The following SMARCE1 variants were observed in gnomAD, a reference collection of about 807,000 sequenced individuals.
SMARCE1 encodes the protein SWI/SNF related BAF chromatin remodeling complex subunit E1, also known as SWI/SNF-related matrix-associated actin-dependent regulator of chromatin subfamily E member 1.
A neutral mutation model predicts 54.9 loss-of-function variants in SMARCE1; 13 were observed. The ratio of observed to expected loss-of-function variants is 0.24; its 90% CI spans 0.15 to 0.38. The LOEUF is 0.38. Among genes scored for constraint, SMARCE1 ranks in the 10% least tolerant of loss-of-function variants. The probability of loss-of-function intolerance (pLI) is 1.00; values close to 1 mark genes in which losing one functional copy is unlikely to be tolerated. For missense variants in SMARCE1, 295 were observed against 523.8 expected, an observed-to-expected ratio of 0.56 and a Z score of 4.26; for synonymous variants, 151 against 175.3, an observed-to-expected ratio of 0.86 and a Z score of 1.10.
chr17:40,634,105 G>C (rs1393283964), intron 7 of SMARCE1: 1 of 152,182 alleles, frequency 6.6e-6, no homozygotes, highest in Non-Finnish European at 1.5e-5. Context: ...TCATTGTCTT[G>C]TGTGGATAAT....
intron 3 of SMARCE1, chr17:40,644,219 A>G (rs1053316931): frequency 3.3e-5 from 5 of 152,180 alleles, no homozygotes; most frequent in African/African-American, 1.2e-4. Context: ...CAAAAAATCA[A>G]GTTTGTCAAG....
chr17:40,631,604 A>G lies in SMARCE1; in HGVS notation c.804T>C (p.Asn268=), dbSNP rs2037096289. 1 of 1,553,880 alleles carries G rather than the reference A, an allele frequency of 6.4e-7. No homozygotes were observed. Among genetic ancestry groups the G allele is most frequent in the Non-Finnish European group, 8.9e-7 (1 of 1,126,120 alleles). ...ATTAAACAGATACCCTTTTAAGTTC[A>G]TTGTTAAATGAATCTGTGCTTTCCA... ...KFLESTDSFN[N]ELKRLCGLKV... is the part of the protein sequence containing the mutation. The change falls in exon 9 of 11, where the codon AAT becomes AAC. Residue 268 remains asparagine, a synonymous_variant. Transcript: ENST00000348513.
At chr17:40,634,627 CT>C (rs2037128092) in intron 7 of SMARCE1, 1 of 152,182 alleles carries the variant, frequency 6.6e-6, no homozygotes, top group African/African-American at 2.4e-5. Flanking sequence ...TTACTAGCAA[CT>C]TTAAGACCCA....
intron 1 of SMARCE1, chr17:40,647,102 T>C (rs900117151): frequency 6.6e-6 from 1 of 152,214 alleles, no homozygotes; most frequent in Non-Finnish European, 1.5e-5. Flanking sequence ...AATACAAAAT[T>C]TAAGAGTGGG....
At chr17:40,638,430 A>C (rs2144001051) in intron 4 of SMARCE1, among the ~76,000 whole-genome samples, 1 of 152,298 alleles carries the variant, frequency 6.6e-6, no homozygotes, top group East Asian at 1.9e-4. Context: ...AAGACTGAAA[A>C]ATATTTTTTA....
chr17:40,644,755 C>A (rs1030064481), intron 3 of SMARCE1: 1 of 151,904 alleles, frequency 6.6e-6, no homozygotes, highest in African/African-American at 2.4e-5. Flanking sequence ...AGTAGACTAG[C>A]CTGAAATTTA....
At chr17:40,643,349 T>C (rs909702160) in intron 3 of SMARCE1, 1 of 152,234 alleles carries the variant, frequency 6.6e-6, no homozygotes, top group Non-Finnish European at 1.5e-5. Context: ...TGAACTACTT[T>C]TCTAGTTTAT....
chr17:40,632,140 C>A, intron 8 of SMARCE1, 55 bp downstream of exon 8: 1 of 1,346,826 alleles, frequency 7.4e-7, no homozygotes, highest in Non-Finnish European at 1.0e-6. Context: ...AATCATATCA[C>A]CTGGGATTTG....
Position 40,645,866 on chromosome 17 carries a change from GAA to G in SMARCE1, c.-45-21_-45-20del, listed in dbSNP as rs890133471. On this transcript the variant is annotated intron_variant, in intron 1 of 10. Coordinates refer to ENST00000348513, the MANE Select transcript of SMARCE1 (RefSeq NM_003079.5). ...TGAGACACTAAAATAAAAAAAAAAG[GAA>G]AAAAAAAAGAGAATCAAAACTCAGC... 2.8e-5 allele frequency: 19 copies of G among 667,646 alleles called. No homozygotes were observed. Among genetic ancestry groups the G allele is most frequent in the African/African-American group, 2.6e-4 (13 of 50,760 alleles). 41.4% of individuals were successfully genotyped at this position (667,646 alleles called of 1,614,324 possible). A position where few individuals can be genotyped will look rare whatever the true frequency, so the allele number is the denominator to read the frequency against.
At chr17:40,639,029 G>GT (rs570797922) in intron 4 of SMARCE1, among the ~76,000 whole-genome samples, 40 of 152,274 alleles carry the variant, frequency 2.6e-4, no homozygotes, top group African/African-American at 9.4e-4. Context: ...CTTGGAAGCA[G>GT]TATTTCCTCT....
chr17:40,644,999 A>G (rs2037239992), intron 3 of SMARCE1: 1 of 152,470 alleles, frequency 6.6e-6, no homozygotes, highest in Non-Finnish European at 1.5e-5. Context: ...AAACACGTTC[A>G]CAACTACTTA....
Position 40,642,417 on chromosome 17 carries a change from A to T in SMARCE1, c.156+38T>A. The T allele has an allele frequency of 3.2e-6, 4 of 1,231,914 alleles. No homozygotes were observed. Among genetic ancestry groups the T allele is most frequent in the Non-Finnish European group, 4.8e-6 (4 of 831,176 alleles). 76.3% of individuals were successfully genotyped at this position (1,231,914 alleles called of 1,614,324 possible). Reference sequence around the variant, plus strand: ...TCTGAAGGCATTTCTGGTCAATTCCAGTTGTTTGCCGGATGCTGTAATAGT... The same window carrying T: ...TCTGAAGGCATTTCTGGTCAATTCCTGTTGTTTGCCGGATGCTGTAATAGT... On this transcript the variant is annotated intron_variant, in intron 4 of 10. Transcript: ENST00000348513. The surrounding 1 kb of genome is among the most constrained non-coding windows in gnomAD (Gnocchi z 4.6).
At position 40,630,782 on chromosome 17, in the gene SMARCE1, G is replaced by A. The variant is rs2037085756; in HGVS notation, c.959C>T (p.Pro320Leu). 3.1e-6 allele frequency: 5 copies of A among 1,613,942 alleles called. No homozygotes were observed. The African/African-American group carries it at 6.7e-5, about 22-fold the overall frequency. Residue 320 changes from proline to leucine, a missense_variant, in exon 10 of 11, where the codon CCT becomes CTT. By Grantham distance (98) the Pro-to-Leu change is moderately conservative. This residue lies in a region of SMARCE1 where 147 missense variants were observed against 161.4 expected (regional missense o/e 0.91). Transcript: ENST00000348513. ...QAERSQSSIV[P>L]EEEQAANKGE... ...TTTGTTAGCTGCTTGTTCTTCCTCA[G>A]GAACGATGCTGCTCTGACTGCGCTC...
chr17:40,640,096 G>A (rs1186879951), intron 4 of SMARCE1: 1 of 152,154 alleles, frequency 6.6e-6, no homozygotes, highest in Non-Finnish European at 1.5e-5. Flanking sequence ...TAAAGTTCAT[G>A]GTTTTGTGAA....
At chr17:40,646,092 T>C (rs989529389) in intron 1 of SMARCE1, among the ~76,000 whole-genome samples, 1 of 152,202 alleles carries the variant, frequency 6.6e-6, no homozygotes, top group African/African-American at 2.4e-5. Context: ...TTTTTTCTTG[T>C]GATACTAAGC....
Position 40,646,246 on chromosome 17 carries a change from G to A in SMARCE1, c.-45-399C>T, listed in dbSNP as rs117731940. On this transcript the variant is annotated intron_variant, in intron 1 of 10. Coordinates refer to ENST00000348513, the MANE Select transcript of SMARCE1 (RefSeq NM_003079.5). ...ACTGACAGCTCCCTGATCAGCAACTGTATCATGCTTTTGGGATAACAATTT... is the reference window on the plus strand; with the variant it reads ...ACTGACAGCTCCCTGATCAGCAACTATATCATGCTTTTGGGATAACAATTT... Among the ~76,000 whole-genome samples, 423 of 152,300 alleles carry A rather than the reference G, an allele frequency of 2.8e-3. 2 individuals carry two copies. The highest frequency in any genetic ancestry group is 4.8e-3 in the Non-Finnish European group (325 of 68,022).
At chr17:40,645,761 A>T in intron 2 of SMARCE1, 35 bp downstream of exon 2, 1 of 1,109,926 alleles carries the variant, frequency 9.0e-7, no homozygotes, top group Non-Finnish European at 1.2e-6. Flanking sequence ...GTCTCTTATT[A>T]ACATAGATTG....
chr17:40,626,862 G>GAAAAAAAAAAAAAAA lies in SMARCE1; in HGVS notation c.*1922_*1923insTTTTTTTTTTTTTTT, dbSNP rs1231708924. ...TGCACTCCAACCTGGGCGACAGATT[G>GAAAAAAAAAAAAAAA]AGACGTCTCCCATCTGACTTAATTC... On this transcript the variant is annotated 3_prime_UTR_variant, in exon 11 of 11. Transcript: ENST00000348513. The GAAAAAAAAAAAAAAA allele has an allele frequency of 1.6e-3, 29 of 18,066 alleles. No homozygotes were observed. Among genetic ancestry groups the GAAAAAAAAAAAAAAA allele is most frequent in the Non-Finnish European group, 1.0e-4 (1 of 9,910 alleles). 1.1% of individuals were successfully genotyped at this position (18,066 alleles called of 1,614,324 possible).
rs1233247659 is a variant in SMARCE1 at position 40,627,020 on chromosome 17, T to A, written c.*1765A>T. 1 of 152,190 alleles carries A rather than the reference T, an allele frequency of 6.6e-6. No individual in the cohort carries two copies. Among genetic ancestry groups the A allele is most frequent in the Non-Finnish European group, 1.5e-5 (1 of 68,020 alleles). 9.4% of individuals were successfully genotyped at this position (152,190 alleles called of 1,614,324 possible). The stretch of plus-strand genomic sequence containing the variant: ...GCTTTCGATACCACAGTAAATAACC[T>A]GGTATCTTGCTGGGGCAGTTTTCCA... On this transcript the variant is annotated 3_prime_UTR_variant, in exon 11 of 11. Coordinates refer to ENST00000348513, the MANE Select transcript of SMARCE1 (RefSeq NM_003079.5).
Sources: gnomAD v4.1 joint callset for allele counts (sites outside exome capture counted in the v4.1 genomes callset) on GRCh38, gnomAD v4.1.1 for gene constraint, gnomAD v4.1.1 regional missense constraint, Gnocchi (gnomAD v3.1) non-coding constraint, MANE v1.5 for transcripts, NCBI Gene and HGNC (gene_info 2026-07-23, HGNC 2026-07-21) for gene names.